Variants in PAH observed in about 807,000 individuals in gnomAD.
PAH encodes the protein phenylalanine-4-hydroxylase.
PAH carries 64 observed loss-of-function variants against 62.0 expected under a neutral mutation model. The ratio of observed to expected loss-of-function variants is 1.03; its 90% CI spans 0.84 to 1.27. The LOEUF is 1.27. Among genes scored for constraint, PAH ranks in the 50% most tolerant of loss-of-function variants. The pLI is 0.00. For synonymous variants in PAH, 195 were observed against 196.2 expected, an observed-to-expected ratio of 0.99 and a Z score of 0.05; for missense variants, 579 against 542.8, an observed-to-expected ratio of 1.07 and a Z score of -0.66.
intron 1 of PAH, among the ~76,000 whole-genome samples, chr12:102,929,731 A>T (rs369582672): frequency 5.9e-5 from 9 of 152,188 alleles, no homozygotes; most frequent in African/African-American, 2.2e-4. Flanking sequence ...CTAAAGTGGT[A>T]CTGAGGGTGG....
chr12:102,934,899 C>T (rs1879042983), intron 1 of PAH, among the ~76,000 whole-genome samples: 1 of 151,996 alleles, frequency 6.6e-6, no homozygotes, highest in Non-Finnish European at 1.5e-5. Flanking sequence ...AATTGGATGC[C>T]TTTTATTTCT....
intron 2 of PAH, among the ~76,000 whole-genome samples, chr12:102,899,858 CAAAAAAAA>C (rs1166069532): frequency 0.011 from 108 of 9,526 alleles, 3 homozygotes; most frequent in African/African-American, 0.033. Context: ...GACTCCGTCT[CAAAAAAAA>C]AAAAAAAAAA....
chr12:102,928,268 T>C (rs2136745865), intron 1 of PAH, among the ~76,000 whole-genome samples: 1 of 152,336 alleles, frequency 6.6e-6, no homozygotes, highest in Non-Finnish European at 1.5e-5. Context: ...GGGGTATCTG[T>C]CACCTCAAGC....
At chr12:102,954,466 A>G (rs1340366814), upstream of PAH, among the ~76,000 whole-genome samples, 3 of 152,166 alleles carry the variant, frequency 2.0e-5, no homozygotes, top group Non-Finnish European at 4.4e-5. Flanking sequence ...CCTGGGCTAG[A>G]GTGCTCTACA....
intron 1 of PAH, among the ~76,000 whole-genome samples, chr12:102,935,802 A>G (rs932946557): frequency 6.6e-6 from 1 of 151,864 alleles, no homozygotes; most frequent in Non-Finnish European, 1.5e-5. Flanking sequence ...TAGTCTGGCT[A>G]AAGGTTTGCT....
At chr12:102,842,557 T>C (rs1042464874) in intron 11 of PAH, among the ~76,000 whole-genome samples, 1 of 152,032 alleles carries the variant, frequency 6.6e-6, no homozygotes, top group Non-Finnish European at 1.5e-5. Context: ...ACCTTGCAAA[T>C]GTAAGGTAAG....
At chr12:102,927,728 T>A (rs1315589012) in intron 1 of PAH, among the ~76,000 whole-genome samples, 1 of 152,300 alleles carries the variant, frequency 6.6e-6, no homozygotes, top group South Asian at 2.1e-4. Flanking sequence ...TAATTACTGA[T>A]AAAAGATACA....
chr12:102,916,205 A>G (rs1878376395), intron 1 of PAH, among the ~76,000 whole-genome samples: 1 of 152,070 alleles, frequency 6.6e-6, no homozygotes, highest in Admixed American at 6.5e-5. Context: ...TTCTAGTTAT[A>G]TTAACGTTAA....
intron 1 of PAH, among the ~76,000 whole-genome samples, chr12:102,933,610 T>C (rs1331462218): frequency 2.0e-5 from 3 of 152,036 alleles, no homozygotes; most frequent in African/African-American, 7.2e-5. Flanking sequence ...AAGAGTTCCT[T>C]TGCCTGTATT....
chr12:102,924,780 C>G (rs1390064195), intron 1 of PAH, among the ~76,000 whole-genome samples: 1 of 152,098 alleles, frequency 6.6e-6, no homozygotes, highest in Non-Finnish European at 1.5e-5. Flanking sequence ...CAGCATACAC[C>G]TGGATCTACT....
intron 3 of PAH, among the ~76,000 whole-genome samples, chr12:102,894,081 G>C (rs1161238640): frequency 6.6e-6 from 1 of 152,092 alleles, no homozygotes; most frequent in East Asian, 1.9e-4. Flanking sequence ...GGAGTGGAGA[G>C]ATTCAAAAAT....
chr12:102,843,444 G>C (rs944145722), intron 11 of PAH, among the ~76,000 whole-genome samples: 1 of 152,130 alleles, frequency 6.6e-6, no homozygotes, highest in Non-Finnish European at 1.5e-5. Flanking sequence ...CCAGGTGGCA[G>C]GGGTGTGTGC....
chr12:102,857,208 A>T (rs1875474732), intron 5 of PAH, among the ~76,000 whole-genome samples: 1 of 152,246 alleles, frequency 6.6e-6, no homozygotes, highest in African/African-American at 2.4e-5. Context: ...TGATTCAACC[A>T]ACTGGAAGAA....
chr12:102,874,447 C>A (rs1002708916), intron 4 of PAH, among the ~76,000 whole-genome samples: 4 of 152,124 alleles, frequency 2.6e-5, no homozygotes, highest in Non-Finnish European at 5.9e-5. Flanking sequence ...TTTTATATGG[C>A]CTGAGACATA....
chr12:102,840,704 T>C (rs1248869913), intron 11 of PAH, among the ~76,000 whole-genome samples, 189 bp from the exon 12 acceptor site: 1 of 152,192 alleles, frequency 6.6e-6, no homozygotes, highest in Non-Finnish European at 1.5e-5. Flanking sequence ...CCTCTGTATG[T>C]GTGTATGTGT....
intron 3 of PAH, among the ~76,000 whole-genome samples, chr12:102,888,275 A>G (rs2136693159): frequency 6.6e-6 from 1 of 152,260 alleles, no homozygotes; most frequent in East Asian, 1.9e-4. Flanking sequence ...TTGGCCGAAC[A>G]GCTACAGCCC....
intron 5 of PAH, among the ~76,000 whole-genome samples, chr12:102,866,266 G>T (rs895780053): frequency 4.6e-5 from 7 of 152,078 alleles, no homozygotes; most frequent in African/African-American, 1.7e-4. Context: ...AGAGAAGACC[G>T]GAGGCTGTTT....
chr12:102,913,800 AC>A (rs1380475078), intron 1 of PAH: 6 of 701,964 alleles, frequency 8.5e-6, no homozygotes, highest in Non-Finnish European at 1.6e-5. Flanking sequence ...TCTAGCACTT[AC>A]TACATGCATG....
chr12:102,848,813 GGCTGAGT>G (rs1209327192), intron 8 of PAH, among the ~76,000 whole-genome samples: 31 of 151,928 alleles, frequency 2.0e-4, no homozygotes, highest in African/African-American at 4.6e-4. Flanking sequence ...AGACTGGAGA[GGCTGAGT>G]GTAGACACAA....
Sources: gnomAD v4.1 joint callset for allele counts (sites outside exome capture counted in the v4.1 genomes callset) on GRCh38, gnomAD v4.1.1 for gene constraint, MANE v1.5 for transcripts, NCBI Gene and HGNC (gene_info 2026-07-23, HGNC 2026-07-21) for gene names.